TRRAP: variants seen among roughly 807,000 people sequenced by gnomAD.
TRRAP encodes transformation/transcription domain-associated protein.
Under a neutral mutation model 438.8 loss-of-function variants are expected in TRRAP, and 41 were observed. The observed-to-expected ratio is 0.09, with a 90% CI of 0.07 to 0.12. The LOEUF (loss-of-function observed/expected upper bound fraction) is 0.12, where lower values mean the gene tolerates loss of function less well. Among genes scored for constraint, TRRAP ranks in the 10% least tolerant of loss-of-function variants. TRRAP has a pLI of 1.00. For synonymous variants in TRRAP, 1,994 were observed against 1,962.9 expected (o/e 1.02, Z -0.42); for missense variants, 3,122 against 5,055.1 (o/e 0.62, Z 11.60).
intron 31 of TRRAP, 103 bp downstream of exon 31, chr7:98,943,120 T>G (rs1340921987): frequency 1.7e-6 from 2 of 1,190,400 alleles, no homozygotes; most frequent in Admixed American, 4.0e-5. Flanking sequence ...GAAACCTAGT[T>G]TGACGTGATT....
At position 98,895,793 on chromosome 7, in the gene TRRAP, G is replaced by A. The variant is rs1401394890; in HGVS notation, c.480G>A (p.Gln160=). The change falls in exon 7 of 73, where the codon CAG becomes CAA. Residue 160 remains glutamine, a synonymous_variant. Coordinates refer to ENST00000456197, the MANE Select transcript of TRRAP (RefSeq NM_001375524.1). The part of the protein sequence containing the change: ...EIHHFLDFVK[Q]IYKELPKVVN... ...ATCATTTTCTGGATTTTGTGAAACA[G>A]ATTTACAAGGAGCTTCCAAAAGTAG... The A allele has an allele frequency of 6.2e-7, 1 of 1,606,306 alleles. No homozygotes were observed. Among genetic ancestry groups the A allele is most frequent in the Non-Finnish European group, 8.5e-7 (1 of 1,176,894 alleles).
At chr7:98,971,752 C>T (rs2116710578) in intron 52 of TRRAP, 47 bp from the exon 53 acceptor site, 1 of 1,583,334 alleles carries the variant, frequency 6.3e-7, no homozygotes, top group African/African-American at 1.4e-5. Flanking sequence ...GTTGGGTTTT[C>T]TTGAAGCCTT....
chr7:98,962,811 G>A lies in TRRAP; in HGVS notation c.6829+384G>A, dbSNP rs141545640. On this transcript the variant is annotated intron_variant, in intron 47 of 72. Coordinates refer to ENST00000456197, the MANE Select transcript of TRRAP (RefSeq NM_001375524.1). Reference sequence around the variant, plus strand: ...CACTCACAAGATGAGAACTTGTCCCGTCTTATTGCTGAGGCTCTGGCTGGC... The same window carrying A: ...CACTCACAAGATGAGAACTTGTCCCATCTTATTGCTGAGGCTCTGGCTGGC... 2.0e-4 allele frequency among the ~76,000 whole-genome samples: 30 copies of A among 152,262 alleles called. No homozygotes were observed. The East Asian group carries it at 5.4e-3, about 27-fold the overall frequency.
intron 8 of TRRAP, among the ~76,000 whole-genome samples, chr7:98,898,358 A>G (rs780844566): frequency 6.6e-6 from 1 of 152,188 alleles, no homozygotes; most frequent in Admixed American, 6.5e-5. Flanking sequence ...GACTTTGTGA[A>G]GGTAATGCTG....
At chr7:98,891,996 C>T (rs530421996) in intron 4 of TRRAP, among the ~76,000 whole-genome samples, 1 of 152,296 alleles carries the variant, frequency 6.6e-6, no homozygotes, top group South Asian at 2.1e-4. Flanking sequence ...TAGTACAGCT[C>T]ATGATATAAC....
At chr7:98,884,420 A>G (rs1475055756) in intron 3 of TRRAP, among the ~76,000 whole-genome samples, 2 of 152,016 alleles carry the variant, frequency 1.3e-5, no homozygotes, top group African/African-American at 4.8e-5. Flanking sequence ...TTTTTAGTAG[A>G]GATGGGGTTT....
intron 10 of TRRAP, among the ~76,000 whole-genome samples, chr7:98,900,009 A>G (rs911786884): frequency 6.6e-6 from 1 of 152,246 alleles, no homozygotes; most frequent in Admixed American, 6.5e-5. Context: ...GTCGTCAGGC[A>G]TTACCGTGCT....
At chr7:98,990,371 A>T in intron 63 of TRRAP, 84 bp from the exon 64 acceptor site, 2 of 1,502,732 alleles carry the variant, frequency 1.3e-6, no homozygotes, top group Non-Finnish European at 9.1e-7. Flanking sequence ...CGCTCTATAC[A>T]GTGTTGTAAT....
At chr7:98,930,981 CAGCTCAG>C in intron 25 of TRRAP, 151 bp downstream of exon 25, 5 of 1,043,442 alleles carry the variant, frequency 4.8e-6, no homozygotes, top group Non-Finnish European at 6.9e-6. Context: ...ACTAAAAGGA[CAGCTCAG>C]AGCTCCCATA....
Position 98,931,553 on chromosome 7 carries a change from G to A in TRRAP, c.3740G>A (p.Arg1247Gln). 1.2e-6 allele frequency: 2 copies of A among 1,614,206 alleles called. No homozygotes were observed. The highest frequency in any genetic ancestry group is 8.5e-7 in the Non-Finnish European group (1 of 1,180,034). The part of the protein sequence containing the change: ...SFHHVTHDLV[R>Q]EVTSPNSTVR... ...CACCATGTGACACACGACTTGGTTCGAGAAGTCACCTCTCCAAACTCCACT... is the reference window on the plus strand; with the variant it reads ...CACCATGTGACACACGACTTGGTTCAAGAAGTCACCTCTCCAAACTCCACT... The change falls in exon 26 of 73, where the codon CGA becomes CAA. Residue 1247 changes from arginine (R) to glutamine (Q), a missense_variant. Physicochemically the swap from Arg to Gln is conservative, Grantham distance 43. Coordinates refer to ENST00000456197, the MANE Select transcript of TRRAP (RefSeq NM_001375524.1).
In TRRAP at chr7:98,994,893, G is replaced by C. The variant is rs780269875; in HGVS notation, c.10309+45G>C. ...CCCTTCCATAGGGAGAATTGTGCAC[G>C]CTGATTTCCTCCGGCTTTAGTGTTG... is the stretch of plus-strand genomic sequence containing the variant. On this transcript the variant is annotated intron_variant, in intron 67 of 72. Transcript: ENST00000456197. This position sits in a 1 kb window ranked among gnomAD's most constrained non-coding sequence, Gnocchi z 4.8. The C allele has an allele frequency of 6.3e-7, 1 of 1,597,068 alleles. No individual in the cohort carries two copies. The highest frequency in any genetic ancestry group is 1.1e-5 in the South Asian group (1 of 89,752).
At position 98,910,218 on chromosome 7, in the gene TRRAP, G is replaced by GGCCCCCCCCCCCCCCC; in HGVS notation, c.1513_1514insGCCCCCCCCCCCCCCC (p.Ala505GlyfsTer73). The GGCCCCCCCCCCCCCCC allele has an allele frequency of 2.9e-6, 4 of 1,377,598 alleles. No homozygotes were observed. The highest frequency in any genetic ancestry group is 2.6e-5 in the East Asian group (1 of 38,488). 85.3% of individuals were successfully genotyped at this position (1,377,598 alleles called of 1,614,324 possible). A position where few individuals can be genotyped will look rare whatever the true frequency, so the allele number is the denominator to read the frequency against. On this transcript the variant is annotated frameshift_variant, in exon 15 of 73. Transcript: ENST00000456197. LOFTEE classifies it high-confidence loss of function. ...TGCTCCCTCCCCAGCCCCTGTCCCT[G>GGCCCCCCCCCCCCCCC]CCCCACCTCCACCCCCGCCCCCACC...
intron 58 of TRRAP, among the ~76,000 whole-genome samples, chr7:98,979,358 G>A (rs1792810485): frequency 6.6e-6 from 1 of 152,126 alleles, no homozygotes; most frequent in Non-Finnish European, 1.5e-5. Flanking sequence ...CAGCCGCCTG[G>A]GTTCTTTAAA....
intron 70 of TRRAP, 101 bp downstream of exon 70, chr7:99,008,662 G>A (rs1794300307): frequency 7.8e-7 from 1 of 1,280,668 alleles, no homozygotes; most frequent in African/African-American, 1.5e-5. Flanking sequence ...ACAGGCATTT[G>A]TTGGGGGCCA....
intron 29 of TRRAP, 57 bp from the exon 30 acceptor site, chr7:98,937,593 C>A (rs1790615094): frequency 6.7e-7 from 1 of 1,503,412 alleles, no homozygotes; most frequent in African/African-American, 1.4e-5. Flanking sequence ...GAGTTCTGTT[C>A]TATTATGAAG....
At position 98,930,689 on chromosome 7, in the gene TRRAP, T is replaced by C; in HGVS notation, c.3450T>C (p.Tyr1150=). The stretch of plus-strand genomic sequence containing the variant: ...TGGAGCGCCTGTGTGCATGTTGTTA[T>C]GAACAGGCGTGGTATGCAAAGCTGG... The part of the protein sequence containing the change: ...YIVERLCACC[Y]EQAWYAKLGG... Residue 1150 remains tyrosine, a synonymous_variant, in exon 25 of 73, where the codon TAT becomes TAC. Coordinates refer to ENST00000456197, the MANE Select transcript of TRRAP (RefSeq NM_001375524.1). The C allele has an allele frequency of 3.7e-6, 6 of 1,614,232 alleles. No individual in the cohort carries two copies. The highest frequency in any genetic ancestry group is 5.1e-6 in the Non-Finnish European group (6 of 1,180,044).
At chr7:98,895,566 A>T (rs147411079) in intron 6 of TRRAP, among the ~76,000 whole-genome samples, 198 bp from the exon 7 acceptor site, 200 of 152,322 alleles carry the variant, frequency 1.3e-3, no homozygotes, top group African/African-American at 4.2e-3. Flanking sequence ...GAAACTTGTT[A>T]TCTGTTTATC....
intron 6 of TRRAP, among the ~76,000 whole-genome samples, chr7:98,894,683 G>A (rs1796118879): frequency 1.3e-5 from 2 of 150,374 alleles, no homozygotes. Context: ...CGCAATCTTG[G>A]CTCACTGCAA....
chr7:98,924,718 G>C (rs1789960314), intron 21 of TRRAP, among the ~76,000 whole-genome samples: 1 of 149,910 alleles, frequency 6.7e-6, no homozygotes, highest in African/African-American at 2.5e-5. Context: ...GTTCTTCTGG[G>C]TGTGGCTGGG....
Sources: allele counts gnomAD v4.1 joint callset (sites outside exome capture counted in the v4.1 genomes callset), GRCh38; gene constraint gnomAD v4.1.1; non-coding constraint Gnocchi (gnomAD v3.1); transcripts MANE v1.5; gene names NCBI Gene and HGNC (gene_info 2026-07-23, HGNC 2026-07-21).